The following ARFGEF3 variants were observed in gnomAD, a reference collection of about 807,000 sequenced individuals.
ARFGEF3 encodes the protein brefeldin A-inhibited guanine nucleotide-exchange protein 3.
Under a neutral mutation model 221.7 loss-of-function variants are expected in ARFGEF3, and 96 were observed. The ratio of observed to expected loss-of-function variants is 0.43; its 90% CI spans 0.37 to 0.51. The LOEUF (loss-of-function observed/expected upper bound fraction) is 0.51. ARFGEF3 is among the 20% of genes least tolerant of loss of function. The pLI is 0.00. For synonymous variants in ARFGEF3, 1,145 were observed against 1,126.8 expected, an observed-to-expected ratio of 1.02 and a Z score of -0.32; for missense variants, 2,410 against 2,789.9, an observed-to-expected ratio of 0.86 and a Z score of 3.07.
At chr6:138,241,409 T>G (rs1322648481) in intron 6 of ARFGEF3, among the ~76,000 whole-genome samples, 1 of 152,224 alleles carries the variant, frequency 6.6e-6, no homozygotes, top group Non-Finnish European at 1.5e-5. Context: ...AAGTAAAATC[T>G]CACAAGCATG....
chr6:138,203,865 T>C (rs1266595260), intron 2 of ARFGEF3, among the ~76,000 whole-genome samples: 7 of 151,888 alleles, frequency 4.6e-5, no homozygotes, highest in Non-Finnish European at 8.8e-5. Flanking sequence ...ATGGTCTCTA[T>C]TGCTTGACTT....
chr6:138,164,252 A>G (rs1359599411), intron 1 of ARFGEF3, among the ~76,000 whole-genome samples: 2 of 152,184 alleles, frequency 1.3e-5, no homozygotes, highest in Non-Finnish European at 2.9e-5. Context: ...ATTAATGTGT[A>G]AATTCCTCAG....
At chr6:138,329,033 T>A (rs1583070097) in intron 32 of ARFGEF3, among the ~76,000 whole-genome samples, 1 of 152,074 alleles carries the variant, frequency 6.6e-6, no homozygotes, top group Non-Finnish European at 1.5e-5. Flanking sequence ...GGCATGGTTC[T>A]GATTGTTTCA....
Position 138,335,109 on chromosome 6 carries a change from G to A in ARFGEF3, c.6263G>A (p.Arg2088Gln), listed in dbSNP as rs1780298985. Residue 2088 changes from arginine to glutamine, a missense_variant, in exon 33 of 34, where the codon CGA (arginine) becomes CAA (glutamine). Arg to Gln is a conservative substitution (Grantham distance 43). Coordinates refer to ENST00000251691, the MANE Select transcript of ARFGEF3 (RefSeq NM_020340.5). ...TTCAGCGCAGGCCCCGAGCTGCTGC[G>A]ACAGGACAAGAGGCCCCGCTCAGGC... ...HSFSAGPELLRQDKRPRSGST... is the reference protein window; with the variant it reads ...HSFSAGPELLQQDKRPRSGST... 6.2e-7 allele frequency: 1 copy of A among 1,601,264 alleles called. No individual in the cohort carries two copies. The highest frequency in any genetic ancestry group is 8.5e-7 in the Non-Finnish European group (1 of 1,175,066).
At position 138,291,476 on chromosome 6, in the gene ARFGEF3, T is replaced by C. The variant is rs1779403040; in HGVS notation, c.3048-257T>C. ...TGAACTGGGCTTCATTGCCCGTCTT[T>C]CTCCCAGCCTGGGGTGGGAGAACCC... On this transcript the variant is annotated intron_variant, in intron 18 of 33. Transcript: ENST00000251691. This position sits in a 1 kb window ranked among gnomAD's most constrained non-coding sequence, Gnocchi z 4.5. 6.6e-6 allele frequency among the ~76,000 whole-genome samples: 1 copy of C among 152,038 alleles called. No individual in the cohort carries two copies. The highest frequency in any genetic ancestry group is 6.6e-5 in the Admixed American group (1 of 15,258).
Position 138,286,876 on chromosome 6 carries a change from C to T in ARFGEF3, c.2745C>T (p.Leu915=), listed in dbSNP as rs766120193. The T allele has an allele frequency of 2.4e-5, 39 of 1,613,432 alleles. No homozygotes were observed. The highest frequency in any genetic ancestry group is 6.7e-5 in the African/African-American group (5 of 74,936). The part of the protein sequence containing the change: ...QKERDAICMS[L]DGLRKAARLS... ...AGCGGGACGCCATCTGCATGAGCCT[C>T]GACGGGCTGCGGAAAGCCGCACGGC... The change falls in exon 16 of 34, where the codon CTC becomes CTT. Residue 915 remains leucine, a synonymous_variant. Coordinates refer to ENST00000251691, the MANE Select transcript of ARFGEF3 (RefSeq NM_020340.5).
At position 138,336,928 on chromosome 6, in the gene ARFGEF3, TACCAGG is replaced by T. The variant is rs1780337807; in HGVS notation, c.*443_*448del. 1 of 152,586 alleles carries T rather than the reference TACCAGG, an allele frequency of 6.6e-6. No homozygotes were observed. Among genetic ancestry groups the T allele is most frequent in the Non-Finnish European group, 1.5e-5 (1 of 68,166 alleles). 9.5% of individuals were successfully genotyped at this position (152,586 alleles called of 1,614,324 possible). A position where few individuals can be genotyped will look rare whatever the true frequency, so the allele number is the denominator to read the frequency against. Reference sequence around the variant, plus strand: ...AGCTGATAAACACTCAGACATCTAGTACCAGGGATTATTAATTGGAGGAAGATTTAT... The same window carrying T: ...AGCTGATAAACACTCAGACATCTAGTGATTATTAATTGGAGGAAGATTTAT... On this transcript the variant is annotated 3_prime_UTR_variant, in exon 34 of 34. Transcript: ENST00000251691.
rs368323145 is a variant in ARFGEF3, at chr6:138,324,051, C to A, written c.4898C>A (p.Thr1633Lys). 2.1e-5 allele frequency: 34 copies of A among 1,613,846 alleles called. No individual in the cohort carries two copies. The highest frequency in any genetic ancestry group is 2.7e-5 in the Non-Finnish European group (32 of 1,179,862). ...KDLLGCFHSG[T>K]ESFSGEGCQV... ...CTGCTGGGCTGCTTCCACAGCGGCA[C>A]GGAGAGCTTCAGCGGGGAAGGCTGC... is the stretch of plus-strand genomic sequence containing the variant. Residue 1633 changes from threonine (T) to lysine (K), a missense_variant, in exon 31 of 34, where the codon ACG (threonine) becomes AAG (lysine). By Grantham distance (78) the Thr-to-Lys change is moderately conservative. Transcript: ENST00000251691.
In ARFGEF3 at chr6:138,291,079, C is replaced by T. The variant is rs976945010; in HGVS notation, c.3048-654C>T. ...ACTTACTCCGAGATGAGGGACCTTG[C>T]GAACCATCTTCGTCCCAGGTTCTGT... On this transcript the variant is annotated intron_variant, in intron 18 of 33. Transcript: ENST00000251691. This position sits in a 1 kb window ranked among gnomAD's most constrained non-coding sequence, Gnocchi z 4.5. Among the ~76,000 whole-genome samples, 1 of 152,152 alleles carries T rather than the reference C, an allele frequency of 6.6e-6. No individual in the cohort carries two copies. Among genetic ancestry groups the T allele is most frequent in the Non-Finnish European group, 1.5e-5 (1 of 68,040 alleles).
chr6:138,314,392 A>C (rs1418603885), intron 26 of ARFGEF3, among the ~76,000 whole-genome samples: 4 of 152,196 alleles, frequency 2.6e-5, no homozygotes, highest in African/African-American at 9.6e-5. Flanking sequence ...TTTCCAACAC[A>C]TGAATGTTGG....
In ARFGEF3 at chr6:138,207,399, A is replaced by G. The variant is rs950426391; in HGVS notation, c.219+276A>G. 7.2e-5 allele frequency among the ~76,000 whole-genome samples: 11 copies of G among 152,264 alleles called. No homozygotes were observed. In the South Asian group the frequency reaches 2.3e-3, roughly 32 times the overall value. On this transcript the variant is annotated intron_variant, in intron 3 of 33. Transcript: ENST00000251691. The stretch of plus-strand genomic sequence containing the variant: ...GATAGGGATTTTTTTTGTGTGTGAC[A>G]TCTTTCAGGAGAGTAAGGGATCCCA...
At chr6:138,243,468 CAAGTT>C (rs1407641686) in intron 7 of ARFGEF3, among the ~76,000 whole-genome samples, 2 of 152,034 alleles carry the variant, frequency 1.3e-5, no homozygotes, top group African/African-American at 2.4e-5. Context: ...CAGCTGAAAT[CAAGTT>C]AAGGAACTTT....
At chr6:138,331,155 T>G (rs1780220315) in intron 32 of ARFGEF3, among the ~76,000 whole-genome samples, 1 of 152,262 alleles carries the variant, frequency 6.6e-6, no homozygotes, top group Non-Finnish European at 1.5e-5. Context: ...CTTATGTTAT[T>G]GGTTTTAAAA....
rs963596144 is a variant in ARFGEF3, at chr6:138,343,085, TAACTC to T, written c.*6601_*6605del. ...CTTTGGGAATTCAGTGAAATCATGT[TAACTC>T]ATATAGAGGGGGCCTTAGTTTATCT... On this transcript the variant is annotated 3_prime_UTR_variant, in exon 34 of 34. Transcript: ENST00000251691. The T allele has an allele frequency of 3.9e-5, 6 of 152,316 alleles. No homozygotes were observed. The highest frequency in any genetic ancestry group is 1.2e-4 in the African/African-American group (5 of 41,568). 9.4% of individuals were successfully genotyped at this position (152,316 alleles called of 1,614,324 possible). A position where few individuals can be genotyped will look rare whatever the true frequency, so the allele number is the denominator to read the frequency against.
chr6:138,332,843 C>T (rs919961983), intron 32 of ARFGEF3, among the ~76,000 whole-genome samples: 4 of 152,188 alleles, frequency 2.6e-5, no homozygotes, highest in Admixed American at 6.5e-5. Context: ...CTTTGTTACT[C>T]ATTTCATCTT....
At chr6:138,315,835 G>A (rs1269180973) in intron 26 of ARFGEF3, among the ~76,000 whole-genome samples, 1 of 147,306 alleles carries the variant, frequency 6.8e-6, no homozygotes, top group South Asian at 2.3e-4. Flanking sequence ...GGGTGACAAA[G>A]CGAGACTGCA....
At chr6:138,312,202 G>T (rs1430935131) in intron 25 of ARFGEF3, among the ~76,000 whole-genome samples, 2 of 152,066 alleles carry the variant, frequency 1.3e-5, no homozygotes, top group Non-Finnish European at 2.9e-5. Flanking sequence ...AACAGCACTT[G>T]TCAAAGTGAG....
intron 11 of ARFGEF3, 98 bp from the exon 12 acceptor site, chr6:138,262,603 A>G: frequency 8.2e-7 from 1 of 1,217,992 alleles, no homozygotes; most frequent in South Asian, 1.5e-5. Context: ...TCTGTTTTGA[A>G]TACTTTGCTG....
chr6:138,298,504 T>C, intron 21 of ARFGEF3, 102 bp from the exon 22 acceptor site: 2 of 834,634 alleles, frequency 2.4e-6, no homozygotes, highest in Non-Finnish European at 3.7e-6. Flanking sequence ...ACAGAATTGC[T>C]GCTTCCACCT....
Sources: gnomAD v4.1 joint callset for allele counts (sites outside exome capture counted in the v4.1 genomes callset) on GRCh38, gnomAD v4.1.1 for gene constraint, Gnocchi (gnomAD v3.1) non-coding constraint, MANE v1.5 for transcripts, NCBI Gene and HGNC (gene_info 2026-07-23, HGNC 2026-07-21) for gene names.